Variants in EVC2 observed in about 807,000 individuals in gnomAD.
The protein encoded by EVC2 is limbin.
A neutral mutation model predicts 149.3 loss-of-function variants in EVC2; 148 were observed. The ratio of observed to expected loss-of-function variants is 0.99; its 90% CI spans 0.87 to 1.14. The LOEUF (loss-of-function observed/expected upper bound fraction) is 1.14, where lower values mean the gene tolerates loss of function less well. Among genes scored for constraint, EVC2 ranks in the 50% most tolerant of loss-of-function variants. EVC2 has a pLI of 0.00. For synonymous variants in EVC2, 776 were observed against 649.9 expected (o/e 1.19, Z -2.95); for missense variants, 1,854 against 1,627.3 (o/e 1.14, Z -2.40).
At chr4:5,594,461 A>T (rs1443638198) in intron 16 of EVC2, among the ~76,000 whole-genome samples, 1 of 152,216 alleles carries the variant, frequency 6.6e-6, no homozygotes. Flanking sequence ...CCAGGTAAAC[A>T]GCGTCTGGAG....
intron 9 of EVC2, among the ~76,000 whole-genome samples, chr4:5,641,623 T>C (rs1427456376): frequency 6.6e-6 from 1 of 152,184 alleles, no homozygotes; most frequent in Non-Finnish European, 1.5e-5. Flanking sequence ...ATGTTAATCA[T>C]ACCTCTATAA....
At chr4:5,685,985 A>AGCCCTAAAAC (rs1179349061) in intron 5 of EVC2, among the ~76,000 whole-genome samples, 1 of 152,152 alleles carries the variant, frequency 6.6e-6, no homozygotes, top group African/African-American at 2.4e-5. Flanking sequence ...GTTTACTTAT[A>AGCCCTAAAAC]GCCCTAAAAC....
chr4:5,604,951 C>G (rs564326411), intron 16 of EVC2, among the ~76,000 whole-genome samples: 4 of 151,932 alleles, frequency 2.6e-5, no homozygotes, highest in African/African-American at 9.6e-5. Context: ...CTTCCTCTTA[C>G]TCCTCCTCCT....
chr4:5,631,636 T>C (rs1716543152), intron 11 of EVC2, among the ~76,000 whole-genome samples, 157 bp downstream of exon 11: 1 of 152,060 alleles, frequency 6.6e-6, no homozygotes, highest in Admixed American at 6.6e-5. Flanking sequence ...GCCACCATTT[T>C]CCCTGCTTAC....
At chr4:5,684,169 G>T (rs945471598) in intron 6 of EVC2, among the ~76,000 whole-genome samples, 9 of 152,082 alleles carry the variant, frequency 5.9e-5, no homozygotes, top group Non-Finnish European at 1.5e-5. Context: ...ATCTGCCTTT[G>T]TTCTCTATTT....
At chr4:5,703,001 T>C (rs1348224539) in intron 1 of EVC2, among the ~76,000 whole-genome samples, 14 of 152,240 alleles carry the variant, frequency 9.2e-5, no homozygotes, top group Admixed American at 3.3e-4. Context: ...TTGTTATTAT[T>C]GCCATTATTA....
At chr4:5,603,181 A>G (rs148123141) in intron 16 of EVC2, among the ~76,000 whole-genome samples, 1 of 152,356 alleles carries the variant, frequency 6.6e-6, no homozygotes, top group African/African-American at 2.4e-5. Context: ...ATAGATTAGA[A>G]AGGTAAGATG....
intron 10 of EVC2, among the ~76,000 whole-genome samples, chr4:5,634,187 T>C (rs968670060): frequency 6.6e-6 from 1 of 152,254 alleles, no homozygotes; most frequent in African/African-American, 2.4e-5. Context: ...CAATTCAGTC[T>C]TTTTAAAAAG....
At chr4:5,548,024 C>T (rs1328065701) in intron 21 of EVC2, among the ~76,000 whole-genome samples, 1 of 152,042 alleles carries the variant, frequency 6.6e-6, no homozygotes, top group Non-Finnish European at 1.5e-5. Context: ...AGAGTCGGTG[C>T]CCACGCCGGC....
At chr4:5,596,014 G>A (rs1348693777) in intron 16 of EVC2, among the ~76,000 whole-genome samples, 1 of 152,160 alleles carries the variant, frequency 6.6e-6, no homozygotes, top group Non-Finnish European at 1.5e-5. Flanking sequence ...GACAAGAAGA[G>A]CTAACTATCC....
rs534591162 is a variant in EVC2 at position 5,654,082 on chromosome 4, C to T, written c.1145+9025G>A. Among the ~76,000 whole-genome samples, 12 of 152,182 alleles carry T rather than the reference C, an allele frequency of 7.9e-5. No individual in the cohort carries two copies. The South Asian group carries it at 1.2e-3, about 16-fold the overall frequency. On this transcript the variant is annotated intron_variant, in intron 9 of 21. Transcript: ENST00000344408. ...TACAAAAATTAGCTGGGCGTGGTGG[C>T]GGGCGCCTGTAATCCCAGCTACTCA... is the stretch of plus-strand genomic sequence containing the variant.
In EVC2 at chr4:5,632,005, G is replaced by A. The variant is rs148248777; in HGVS notation, c.1498C>T (p.Arg500Trp). 27 of 1,614,148 alleles carry A rather than the reference G, an allele frequency of 1.7e-5. No homozygotes were observed. In the African/African-American group the frequency reaches 2.4e-4, roughly 14 times the overall value. Reference sequence around the variant, plus strand: ...TCCTGTTCCAGGCCATGGAGGGTCCGCAGAAGGTTGCTGCACTCTACAGCA... The same window carrying A: ...TCCTGTTCCAGGCCATGGAGGGTCCACAGAAGGTTGCTGCACTCTACAGCA... Reference protein sequence around the residue: ...RSAVECSNLLRTLHGLEQEHL... With the variant: ...RSAVECSNLLWTLHGLEQEHL... The change falls in exon 11 of 22, where the codon CGG becomes TGG. Residue 500 changes from arginine to tryptophan, a missense_variant. Arg to Trp is a moderately radical substitution (Grantham distance 101, BLOSUM62 -3). Transcript: ENST00000344408.
At chr4:5,649,537 A>G (rs887119141) in intron 9 of EVC2, among the ~76,000 whole-genome samples, 1 of 151,200 alleles carries the variant, frequency 6.6e-6, no homozygotes, top group African/African-American at 2.5e-5. Context: ...AAATTAATCA[A>G]GTTCTCACCA....
At chr4:5,627,175 G>T (rs1448702082) in intron 12 of EVC2, among the ~76,000 whole-genome samples, 1 of 152,134 alleles carries the variant, frequency 6.6e-6, no homozygotes, top group African/African-American at 2.4e-5. Context: ...TGAGTCCCCA[G>T]CTTGGCCCAG....
At chr4:5,629,697 A>G (rs919817313) in intron 11 of EVC2, among the ~76,000 whole-genome samples, 3 of 152,224 alleles carry the variant, frequency 2.0e-5, no homozygotes, top group African/African-American at 7.2e-5. Context: ...CAGTCAGTGA[A>G]AAGCTGCATG....
chr4:5,635,247 G>C (rs1716819546), intron 10 of EVC2, among the ~76,000 whole-genome samples: 2 of 151,846 alleles, frequency 1.3e-5, no homozygotes, highest in African/African-American at 2.4e-5. Context: ...ATGTTGGCCA[G>C]GCTGGTCTCA....
At chr4:5,590,691 T>C (rs1248128902) in intron 16 of EVC2, among the ~76,000 whole-genome samples, 1 of 152,140 alleles carries the variant, frequency 6.6e-6, no homozygotes. Flanking sequence ...CTTCTTCACA[T>C]TCTGATGTCA....
At chr4:5,694,664 A>C (rs967659179) in intron 2 of EVC2, among the ~76,000 whole-genome samples, 163 bp from the exon 3 acceptor site, 1 of 152,234 alleles carries the variant, frequency 6.6e-6, no homozygotes, top group Non-Finnish European at 1.5e-5. Context: ...CTTTGCCAGG[A>C]AAATGAGACA....
chr4:5,576,451 G>T lies in EVC2; in HGVS notation c.3061C>A (p.Leu1021Ile), dbSNP rs772749481. 1.9e-6 allele frequency: 3 copies of T among 1,592,372 alleles called. No individual in the cohort carries two copies. The highest frequency in any genetic ancestry group is 2.6e-6 in the Non-Finnish European group (3 of 1,169,810). ...TCCAGCTTCCTCTCCAACTCCTGGA[G>T]CTCCTACACAAGGAAGGGGCAGAGG... Reference protein sequence around the residue: ...TQILESHSRELQELERKLEDQ... With the variant: ...TQILESHSREIQELERKLEDQ... Residue 1021 changes from leucine (L) to isoleucine (I), a missense_variant, in exon 18 of 22, where the codon CTC (leucine) becomes ATC (isoleucine). Coordinates refer to ENST00000344408, the MANE Select transcript of EVC2 (RefSeq NM_147127.5). This position sits in a 1 kb window ranked among gnomAD's most constrained non-coding sequence, Gnocchi z 4.5.
Sources: gnomAD v4.1 joint callset for allele counts (sites outside exome capture counted in the v4.1 genomes callset) on GRCh38, gnomAD v4.1.1 for gene constraint, Gnocchi (gnomAD v3.1) non-coding constraint, MANE v1.5 for transcripts, NCBI Gene and HGNC (gene_info 2026-07-23, HGNC 2026-07-21) for gene names.